The following PPP2R2B variants were observed in gnomAD, a reference collection of about 807,000 sequenced individuals.
The protein encoded by PPP2R2B is serine/threonine-protein phosphatase 2A 55 kDa regulatory subunit B beta isoform.
Under a neutral mutation model 46.0 loss-of-function variants are expected in PPP2R2B, and 5 were observed. The ratio of observed to expected loss-of-function variants is 0.11; its 90% confidence interval spans 0.06 to 0.23. PPP2R2B has a LOEUF of 0.23. Ranked by LOEUF, PPP2R2B falls within the 10% of genes least tolerant of loss-of-function variation. The pLI is 1.00. For synonymous variants in PPP2R2B, 215 were observed against 206.7 expected (o/e 1.04, Z -0.34); for missense variants, 367 against 575.0 (o/e 0.64, Z 3.70).
At chr5:146,868,714 A>G (rs1266757084) in intron 2 of PPP2R2B, among the ~76,000 whole-genome samples, 3 of 152,068 alleles carry the variant, frequency 2.0e-5, no homozygotes, top group South Asian at 2.1e-4. Context: ...TAGAAATTGG[A>G]CCCTTGTATT....
chr5:146,885,169 T>C (rs1464088927), intron 1 of PPP2R2B, among the ~76,000 whole-genome samples: 2 of 152,224 alleles, frequency 1.3e-5, no homozygotes, highest in African/African-American at 4.8e-5. Context: ...ACTTGCATTG[T>C]CTCATTTTAT....
At chr5:146,912,505 CTTTTT>C (rs751454188) in intron 1 of PPP2R2B, among the ~76,000 whole-genome samples, 2 of 110,464 alleles carry the variant, frequency 1.8e-5, no homozygotes, top group Non-Finnish European at 3.4e-5. Context: ...TTCAACTTTT[CTTTTT>C]TCTTTTTTTT....
rs904631112 is a variant in PPP2R2B, at chr5:146,587,550, C to G, written c.*2397G>C. 2 of 152,142 alleles carry G rather than the reference C, an allele frequency of 1.3e-5. No individual in the cohort carries two copies. The highest frequency in any genetic ancestry group is 4.8e-5 in the African/African-American group (2 of 41,428). 9.4% of individuals were successfully genotyped at this position (152,142 alleles called of 1,614,324 possible). ...CCTTAAACCATGACAAAAATTATTC[C>G]TGTGTGTGTTATGGGCAGCCCTGCT... On this transcript the variant is annotated 3_prime_UTR_variant, in exon 10 of 10. Coordinates refer to ENST00000394411, the MANE Select transcript of PPP2R2B (RefSeq NM_181675.4).
chr5:146,617,672 T>TCA, intron 7 of PPP2R2B, among the ~76,000 whole-genome samples: 1 of 150,922 alleles, frequency 6.6e-6, no homozygotes, highest in African/African-American at 2.4e-5. Flanking sequence ...TGGCTGGGGC[T>TCA]TCCTCTCATC....
intron 7 of PPP2R2B, among the ~76,000 whole-genome samples, chr5:146,619,656 C>T (rs1773511154): frequency 6.6e-6 from 1 of 152,144 alleles, no homozygotes; most frequent in Non-Finnish European, 1.5e-5. Flanking sequence ...AACATACGTC[C>T]TCTGTAAGCT....
rs545796065 is a variant in PPP2R2B, at chr5:146,913,145, C to T, written c.79+142520G>A. Among the ~76,000 whole-genome samples, 713 of 152,256 alleles carry T rather than the reference C, an allele frequency of 4.7e-3. 4 individuals carry two copies. Among genetic ancestry groups the T allele is most frequent in the Non-Finnish European group, 4.3e-3 (293 of 68,028 alleles). On this transcript the variant is annotated intron_variant, in intron 1 of 8. Coordinates refer to the PPP2R2B transcript ENST00000336640. ...AAGGCAAGAATGAGTTTATATTCGGCGGAAATAGTCTATTTCCTGTGATTT... is the reference window on the plus strand; with the variant it reads ...AAGGCAAGAATGAGTTTATATTCGGTGGAAATAGTCTATTTCCTGTGATTT...
At chr5:146,919,249 C>T (rs1191531081) in intron 1 of PPP2R2B, 1 of 152,290 alleles carries the variant, frequency 6.6e-6, no homozygotes, top group East Asian at 1.9e-4. Flanking sequence ...AATATTTCTA[C>T]AGGATATTTG....
intron 2 of PPP2R2B, among the ~76,000 whole-genome samples, chr5:146,772,306 T>C (rs1754905102): frequency 6.6e-6 from 1 of 151,058 alleles, no homozygotes; most frequent in African/African-American, 2.4e-5. Flanking sequence ...ACAAAAATCC[T>C]TGCCTATATA....
intron 1 of PPP2R2B, among the ~76,000 whole-genome samples, chr5:147,037,704 A>T (rs768865675): frequency 6.6e-6 from 1 of 152,106 alleles, no homozygotes; most frequent in Non-Finnish European, 1.5e-5. Context: ...GTGAGGAGGG[A>T]TGAGTCAGAC....
At chr5:146,760,542 G>A (rs1281319632) in intron 2 of PPP2R2B, among the ~76,000 whole-genome samples, 1 of 152,160 alleles carries the variant, frequency 6.6e-6, no homozygotes, top group Non-Finnish European at 1.5e-5. Context: ...AAGACTGTAT[G>A]TGATGAATTA....
rs868651043 is a variant in PPP2R2B, at chr5:146,811,597, G to T, written c.70+66405C>A. On this transcript the variant is annotated intron_variant, in intron 2 of 9. Transcript: ENST00000394411. ...TTTTTTTGAGAAGGAATCTCACTCT[G>T]TTGCCCAGGCTGGAGTGCAGTGGCG... 6.8e-4 allele frequency among the ~76,000 whole-genome samples: 78 copies of T among 115,424 alleles called. 1 individual carries two copies. The highest frequency in any genetic ancestry group is 2.5e-3 in the African/African-American group (72 of 29,024). The allele number at this position is 115,424 out of a possible 152,430, so 75.7% of individuals were successfully genotyped here. A position where few individuals can be genotyped will look rare whatever the true frequency, so the allele number is the denominator to read the frequency against.
In PPP2R2B at chr5:146,590,019, C is replaced by A. The variant is rs759465611; in HGVS notation, c.1260G>T (p.Trp420Cys). The change falls in exon 10 of 10, where the codon TGG becomes TGT. Residue 420 changes from tryptophan to cysteine, a missense_variant. This residue lies in a region of PPP2R2B where 361 missense variants were observed against 545.5 expected (regional missense o/e 0.66). Coordinates refer to ENST00000394411, the MANE Select transcript of PPP2R2B (RefSeq NM_181675.4). ...DFSKKILHTA[W>C]HPSENIIAVA... ...CTGCTATAATATTTTCTGAAGGATG[C>A]CAAGCTGTATGCAAGATCTTTTTGC... The A allele has an allele frequency of 6.2e-7, 1 of 1,614,148 alleles. No homozygotes were observed. The highest frequency in any genetic ancestry group is 1.7e-5 in the Admixed American group (1 of 60,016).
At chr5:146,596,961 G>T (rs1465408789) in intron 8 of PPP2R2B, among the ~76,000 whole-genome samples, 3 of 152,094 alleles carry the variant, frequency 2.0e-5, no homozygotes, top group Non-Finnish European at 4.4e-5. Flanking sequence ...CTGGAATTTG[G>T]ATCTCCTCTG....
At chr5:146,974,930 C>T (rs1752831462) in intron 1 of PPP2R2B, among the ~76,000 whole-genome samples, 1 of 152,066 alleles carries the variant, frequency 6.6e-6, no homozygotes. Context: ...ACCTCGTGAT[C>T]CGCCCACCTC....
chr5:146,861,439 G>A (rs1274402584), intron 2 of PPP2R2B, among the ~76,000 whole-genome samples: 1 of 152,050 alleles, frequency 6.6e-6, no homozygotes, highest in Non-Finnish European at 1.5e-5. Flanking sequence ...GATCCACCCA[G>A]CTCAGCCTCC....
At chr5:146,979,558 A>AAC (rs34864782) in intron 1 of PPP2R2B, among the ~76,000 whole-genome samples, 12,761 of 137,208 alleles carry the variant, frequency 0.093, 544 homozygotes, top group African/African-American at 0.11. Context: ...CCCACCTTGA[A>AAC]ACACACACAC....
chr5:146,780,997 C>T (rs976973586), intron 2 of PPP2R2B, among the ~76,000 whole-genome samples: 15 of 151,520 alleles, frequency 9.9e-5, no homozygotes, highest in Middle Eastern at 3.2e-3. Context: ...TTCCAATTCT[C>T]ATCCACATTT....
At chr5:146,680,474 A>G (rs1428389791) in intron 5 of PPP2R2B, among the ~76,000 whole-genome samples, 1 of 151,916 alleles carries the variant, frequency 6.6e-6, no homozygotes, top group Non-Finnish European at 1.5e-5. Flanking sequence ...GCAGCGCACC[A>G]GCATGGCACA....
At chr5:146,761,242 C>T (rs2151253473) in intron 2 of PPP2R2B, among the ~76,000 whole-genome samples, 1 of 152,274 alleles carries the variant, frequency 6.6e-6, no homozygotes, top group Non-Finnish European at 1.5e-5. Flanking sequence ...CTGCTCACAA[C>T]AGCAAAGACT....
Sources: allele counts gnomAD v4.1 joint callset (sites outside exome capture counted in the v4.1 genomes callset), GRCh38; gene constraint gnomAD v4.1.1; regional missense constraint gnomAD v4.1.1; transcripts MANE v1.5; gene names NCBI Gene and HGNC (gene_info 2026-07-23, HGNC 2026-07-21).